TMEM116: variants seen among roughly 807,000 people sequenced by gnomAD.
The protein encoded by TMEM116 is transmembrane protein 116.
TMEM116 carries 38 observed loss-of-function variants against 44.3 expected under a neutral mutation model. The ratio of observed to expected loss-of-function variants is 0.86; its 90% CI spans 0.66 to 1.12. The LOEUF is 1.12. TMEM116 is among the 50% of genes most tolerant of loss of function. The pLI, the probability that TMEM116 is intolerant of heterozygous loss-of-function variation, is 0.00. For synonymous variants in TMEM116, 132 were observed against 144.8 expected (o/e 0.91, Z 0.64); for missense variants, 354 against 401.7 (o/e 0.88, Z 1.01).
intron 6 of TMEM116, 188 bp downstream of exon 6, chr12:111,937,973 A>G (rs2072304791): frequency 5.1e-6 from 2 of 393,138 alleles, no homozygotes; most frequent in Non-Finnish European, 9.4e-6. Flanking sequence ...AATCTATAAC[A>G]TCAAGCTACT....
At chr12:111,972,673 G>A (rs1019876235) in intron 4 of TMEM116, among the ~76,000 whole-genome samples, 1 of 152,166 alleles carries the variant, frequency 6.6e-6, no homozygotes, top group Non-Finnish European at 1.5e-5. Flanking sequence ...GAGATCAGGA[G>A]TTCAAGACCA....
intron 3 of TMEM116, among the ~76,000 whole-genome samples, chr12:111,996,235 A>AT (rs2076926357): frequency 6.6e-6 from 1 of 152,094 alleles, no homozygotes; most frequent in Admixed American, 6.6e-5. Context: ...AAAATGAAAA[A>AT]TTGAGTCTGT....
chr12:111,942,465 A>C (rs576539246), intron 5 of TMEM116, among the ~76,000 whole-genome samples: 12 of 151,700 alleles, frequency 7.9e-5, no homozygotes, highest in Admixed American at 2.0e-4. Context: ...GTAGAGATGG[A>C]GTTTCACCGT....
rs552975003 is a variant in TMEM116, at chr12:111,931,359, A to G, written c.*262T>C. 2.1e-5 allele frequency: 10 copies of G among 470,664 alleles called. No individual in the cohort carries two copies. In the Admixed American group the frequency reaches 3.8e-4, roughly 18 times the overall value. The allele number at this position is 470,664 out of a possible 1,614,324, so 29.2% of individuals were successfully genotyped here. A position where few individuals can be genotyped will look rare whatever the true frequency, so the allele number is the denominator to read the frequency against. ...ACTTAGACAAATCCAATATCCATCA[A>G]GGTAACACGAGTCTATCTCTGAGAT... On this transcript the variant is annotated 3_prime_UTR_variant, in exon 11 of 11. Transcript: ENST00000552374.
intron 4 of TMEM116, chr12:111,965,805 G>A (rs370983175): frequency 3.7e-5 from 12 of 320,944 alleles, no homozygotes; most frequent in South Asian, 1.2e-4. Context: ...GCATGGTGGC[G>A]TATGCCTGTA....
chr12:111,969,320 C>CAA (rs540048259), intron 4 of TMEM116, among the ~76,000 whole-genome samples: 1,965 of 86,680 alleles, frequency 0.023, 38 homozygotes, highest in African/African-American at 0.033. Context: ...CGCTCCATCT[C>CAA]AAAAAAAAAA....
chr12:111,987,936 G>A (rs2076318027), intron 4 of TMEM116, among the ~76,000 whole-genome samples: 1 of 152,166 alleles, frequency 6.6e-6, no homozygotes, highest in African/African-American at 2.4e-5. Context: ...GCCATTGACA[G>A]ACAAATGGAT....
At chr12:111,985,509 T>C (rs963621354) in intron 4 of TMEM116, among the ~76,000 whole-genome samples, 2 of 152,212 alleles carry the variant, frequency 1.3e-5, no homozygotes, top group Non-Finnish European at 1.5e-5. Flanking sequence ...CTAAAAAGTA[T>C]AAAACATTGC....
intron 4 of TMEM116, among the ~76,000 whole-genome samples, chr12:111,972,223 C>A (rs1333789155): frequency 6.6e-6 from 1 of 151,220 alleles, no homozygotes; most frequent in Non-Finnish European, 1.5e-5. Context: ...ATATAAGTAA[C>A]AGAAAATGTA....
rs749291351 is a variant in TMEM116, at chr12:111,936,740, A to G, written c.540T>C (p.Gly180=). ...CAAAGCTGCCCAGGAAAATGGCGAT[A>G]CCATAAAAATAAAGTGTGCTACAGA... ...TSVCSTLYFY[G]IAIFLGSFVL... is the part of the protein sequence containing the mutation. The change falls in exon 8 of 11, where the codon GGT becomes GGC. Residue 180 remains glycine (G), a synonymous_variant. Coordinates refer to ENST00000552374, the MANE Select transcript of TMEM116 (RefSeq NM_001193531.2). 35 of 1,613,992 alleles carry G rather than the reference A, an allele frequency of 2.2e-5. No homozygotes were observed. Among genetic ancestry groups the G allele is most frequent in the Non-Finnish European group, 3.0e-5 (35 of 1,180,008 alleles).
At chr12:111,975,595 C>T (rs996332497) in intron 4 of TMEM116, among the ~76,000 whole-genome samples, 2 of 152,086 alleles carry the variant, frequency 1.3e-5, no homozygotes, top group African/African-American at 4.8e-5. Flanking sequence ...ATCAAAATAC[C>T]ATGTTAGGGA....
At chr12:112,005,902 A>T in intron 1 of TMEM116, 1 of 979,288 alleles carries the variant, frequency 1.0e-6, no homozygotes, top group Non-Finnish European at 1.2e-6. Flanking sequence ...AACAGGAAAG[A>T]AGAAAGGGAA....
rs548199745 is a variant in TMEM116, at chr12:111,971,798, G to A, written c.210+19960C>T. The stretch of plus-strand genomic sequence containing the variant: ...CAAATTAAAATTAAAAAAATAGGTG[G>A]GCTCAGTGGCTCATGCCTGTAATCC... On this transcript the variant is annotated intron_variant, in intron 4 of 10. Transcript: ENST00000552374. Among the ~76,000 whole-genome samples the A allele has an allele frequency of 4.6e-5, 7 of 152,024 alleles. No homozygotes were observed. In the South Asian group the frequency reaches 1.5e-3, roughly 32 times the overall value.
At chr12:112,003,679 T>C (rs2077410495) in intron 3 of TMEM116, 121 bp downstream of exon 3, 1 of 1,367,318 alleles carries the variant, frequency 7.3e-7, no homozygotes, top group African/African-American at 1.5e-5. Context: ...CATTGTATCA[T>C]CATGACAAAT....
intron 2 of TMEM116, 97 bp from the exon 3 acceptor site, chr12:112,003,960 A>C: frequency 7.2e-7 from 1 of 1,386,962 alleles, no homozygotes; most frequent in Non-Finnish European, 9.3e-7. Flanking sequence ...TTTTATTGGC[A>C]TAATTGATAT....
At position 111,967,923 on chromosome 12, in the gene TMEM116, T is replaced by G. The variant is rs533173118; in HGVS notation, c.210+23835A>C. Among the ~76,000 whole-genome samples the G allele has an allele frequency of 4.5e-4, 69 of 152,250 alleles. No individual in the cohort carries two copies. The South Asian group carries it at 6.4e-3, about 14-fold the overall frequency. ...AGTGAACTCTTTAACTGCCCTATCT[T>G]ACCTCCTAGAAAAAGTTTTTATGCC... On this transcript the variant is annotated intron_variant, in intron 4 of 10. Transcript: ENST00000552374.
intron 4 of TMEM116, among the ~76,000 whole-genome samples, chr12:111,957,322 C>G (rs1412359028): frequency 6.6e-6 from 1 of 151,950 alleles, no homozygotes; most frequent in Non-Finnish European, 1.5e-5. Flanking sequence ...CCGCCGCCAC[C>G]CCGTCTGGGA....
intron 7 of TMEM116, 91 bp from the exon 8 acceptor site, chr12:111,936,921 CA>C (rs2072207691): frequency 1.4e-6 from 2 of 1,405,032 alleles, no homozygotes; most frequent in Non-Finnish European, 1.9e-6. Context: ...TTTTACTTAT[CA>C]TTTTGCTAAC....
intron 5 of TMEM116, among the ~76,000 whole-genome samples, chr12:111,941,730 C>T (rs775891043): frequency 7.2e-5 from 11 of 152,070 alleles, no homozygotes; most frequent in Non-Finnish European, 1.6e-4. Context: ...GTCCTTTCTC[C>T]TTAAAGCAAG....
Sources: gnomAD v4.1 joint callset for allele counts (sites outside exome capture counted in the v4.1 genomes callset) on GRCh38, gnomAD v4.1.1 for gene constraint, MANE v1.5 for transcripts, NCBI Gene and HGNC (gene_info 2026-07-23, HGNC 2026-07-21) for gene names.